The following DLGAP1 variants were observed in gnomAD, a reference collection of about 807,000 sequenced individuals.
The protein encoded by DLGAP1 is disks large-associated protein 1.
DLGAP1 carries 11 observed loss-of-function variants against 90.8 expected under a neutral mutation model. The observed-to-expected ratio is 0.12, with a 90% CI of 0.08 to 0.20. The LOEUF (loss-of-function observed/expected upper bound fraction) is 0.20. DLGAP1 is among the 10% of genes least tolerant of loss of function. DLGAP1 has a pLI of 1.00. For missense variants in DLGAP1, 1,050 were observed against 1,333.8 expected (o/e 0.79, Z 3.31); for synonymous variants, 558 against 540.7 (o/e 1.03, Z -0.44).
chr18:3,575,147 A>T (rs1022040409), intron 8 of DLGAP1, among the ~76,000 whole-genome samples: 29 of 152,174 alleles, frequency 1.9e-4, no homozygotes, highest in African/African-American at 6.8e-4. Flanking sequence ...TTCAAATAGT[A>T]ACCATTCCTT....
chr18:4,232,527 T>C (rs1188599131), intron 1 of DLGAP1, among the ~76,000 whole-genome samples: 2 of 152,144 alleles, frequency 1.3e-5, no homozygotes, highest in African/African-American at 4.8e-5. Context: ...ATTATAAAAG[T>C]GCAAGAGAAT....
chr18:3,736,452 C>T (rs1339518248), intron 6 of DLGAP1, among the ~76,000 whole-genome samples: 3 of 152,128 alleles, frequency 2.0e-5, no homozygotes, highest in African/African-American at 7.2e-5. Context: ...TCTAGACCAA[C>T]TCCTTGGTGT....
At chr18:4,271,359 T>C (rs141624870) in intron 1 of DLGAP1, among the ~76,000 whole-genome samples, 1 of 152,330 alleles carries the variant, frequency 6.6e-6, no homozygotes, top group Non-Finnish European at 1.5e-5. Flanking sequence ...TTCATGATAC[T>C]ACCTAATTTC....
intron 7 of DLGAP1, among the ~76,000 whole-genome samples, chr18:3,710,471 C>T (rs1416141003): frequency 3.3e-5 from 5 of 152,196 alleles, no homozygotes; most frequent in African/African-American, 1.2e-4. Context: ...AGACTCTGGT[C>T]TAATGTTCTC....
intron 5 of DLGAP1, chr18:3,770,779 A>C (rs999222334): frequency 6.6e-6 from 1 of 152,230 alleles, no homozygotes; most frequent in Non-Finnish European, 1.5e-5. Flanking sequence ...TATCACCAGA[A>C]TCACATAGTA....
In DLGAP1 at chr18:4,383,635, TG is replaced by T. The variant is rs1327910225; in HGVS notation, c.-267+71370del. 6.6e-6 allele frequency among the ~76,000 whole-genome samples: 1 copy of T among 152,150 alleles called. No homozygotes were observed. The highest frequency in any genetic ancestry group is 1.5e-5 in the Non-Finnish European group (1 of 68,008). ...ATGAGAATCAAGTAGAACTGCTTTC[TG>T]ACTATGCTATGTAGAATGCGAAGTG... On this transcript the variant is annotated intron_variant, in intron 1 of 12. Coordinates refer to ENST00000315677, the MANE Select transcript of DLGAP1 (RefSeq NM_004746.4). The surrounding 1 kb of genome is among the most constrained non-coding windows in gnomAD (Gnocchi z 4.0).
chr18:4,374,764 G>A (rs982874146), intron 1 of DLGAP1, among the ~76,000 whole-genome samples: 1 of 152,030 alleles, frequency 6.6e-6, no homozygotes, highest in East Asian at 1.9e-4. Context: ...ATACAGTCAC[G>A]TGGTGTGACA....
intron 1 of DLGAP1, among the ~76,000 whole-genome samples, chr18:4,296,285 C>T (rs1270102972): frequency 2.3e-5 from 2 of 86,798 alleles, no homozygotes; most frequent in East Asian, 1.0e-3. Context: ...CTCTCACAGC[C>T]TAAAGCTGAT....
chr18:4,341,860 A>G (rs1331429049), intron 1 of DLGAP1, among the ~76,000 whole-genome samples: 1 of 152,110 alleles, frequency 6.6e-6, no homozygotes, highest in Non-Finnish European at 1.5e-5. Flanking sequence ...GAAAAGCATG[A>G]TAAAATGATG....
In DLGAP1 at chr18:3,919,921, G is replaced by A. The variant is rs188089967; in HGVS notation, c.-72-39781C>T. On this transcript the variant is annotated intron_variant, in intron 3 of 12. Transcript: ENST00000315677. ...ACACATAGCACTGTGAAACAGAGGC[G>A]CAGTTAGATACAACTGCCTGGGAGA... 2.3e-3 allele frequency among the ~76,000 whole-genome samples: 356 copies of A among 152,296 alleles called. 2 individuals are homozygous for A. Among genetic ancestry groups the A allele is most frequent in the African/African-American group, 7.9e-3 (327 of 41,566 alleles).
intron 3 of DLGAP1, among the ~76,000 whole-genome samples, chr18:3,985,304 A>T (rs543124344): frequency 2.6e-5 from 4 of 152,288 alleles, no homozygotes; most frequent in African/African-American, 7.2e-5. Context: ...TTTTTCAACA[A>T]GAGGACTCAA....
intron 3 of DLGAP1, chr18:3,995,693 A>C (rs2074054969): frequency 6.6e-6 from 1 of 151,580 alleles, no homozygotes; most frequent in South Asian, 2.1e-4. Context: ...ACTGCCCCCT[A>C]GTGTTCTCTC....
intron 7 of DLGAP1, among the ~76,000 whole-genome samples, chr18:3,701,258 C>T (rs1361553848): frequency 6.6e-6 from 1 of 152,132 alleles, no homozygotes; most frequent in Non-Finnish European, 1.5e-5. Flanking sequence ...AAGAACCAAA[C>T]AGTCCGGATC....
In DLGAP1 at chr18:4,057,866, A is replaced by G. The variant is rs141738825; in HGVS notation, c.-158-52665T>C. 2.9e-3 allele frequency among the ~76,000 whole-genome samples: 434 copies of G among 152,198 alleles called. 3 individuals carry two copies. The highest frequency in any genetic ancestry group is 9.5e-3 in the African/African-American group (395 of 41,544). On this transcript the variant is annotated intron_variant, in intron 2 of 12. Coordinates refer to ENST00000315677, the MANE Select transcript of DLGAP1 (RefSeq NM_004746.4). Reference sequence around the variant, plus strand: ...AGCTGGATGTGTTCAACCCCTGTACATGATTTTCTCCTCCCCTTTCACTAT... The same window carrying G: ...AGCTGGATGTGTTCAACCCCTGTACGTGATTTTCTCCTCCCCTTTCACTAT...
At chr18:3,827,397 T>C (rs181480278) in intron 4 of DLGAP1, among the ~76,000 whole-genome samples, 1 of 152,292 alleles carries the variant, frequency 6.6e-6, no homozygotes, top group African/African-American at 2.4e-5. Context: ...GAAAAAAGTT[T>C]TTCAAAGAGA....
chr18:4,360,447 G>A (rs557920608), intron 1 of DLGAP1, among the ~76,000 whole-genome samples: 2 of 152,296 alleles, frequency 1.3e-5, no homozygotes, highest in East Asian at 3.9e-4. Flanking sequence ...GAATCAAAAG[G>A]TGGAACTCAC....
At chr18:4,288,446 T>C (rs1333301248) in intron 1 of DLGAP1, among the ~76,000 whole-genome samples, 1 of 152,146 alleles carries the variant, frequency 6.6e-6, no homozygotes, top group Non-Finnish European at 1.5e-5. Flanking sequence ...CTGTTATATG[T>C]TCGTTTCTTC....
intron 2 of DLGAP1, among the ~76,000 whole-genome samples, chr18:4,046,248 G>A (rs1183845292): frequency 6.6e-6 from 1 of 152,116 alleles, no homozygotes; most frequent in African/African-American, 2.4e-5. Context: ...CTTATTTATT[G>A]GTAGAGCTTC....
At chr18:3,738,113 T>G (rs370997295) in intron 6 of DLGAP1, among the ~76,000 whole-genome samples, 81 of 151,720 alleles carry the variant, frequency 5.3e-4, no homozygotes, top group Middle Eastern at 3.4e-3. Flanking sequence ...CACTGCTCAA[T>G]GAAATAAAAG....
Sources: gnomAD v4.1 joint callset for allele counts (sites outside exome capture counted in the v4.1 genomes callset) on GRCh38, gnomAD v4.1.1 for gene constraint, Gnocchi (gnomAD v3.1) non-coding constraint, MANE v1.5 for transcripts, NCBI Gene and HGNC (gene_info 2026-07-23, HGNC 2026-07-21) for gene names.